SLC9A9: variants seen among roughly 807,000 people sequenced by gnomAD.
The protein encoded by SLC9A9 is solute carrier family 9 member A9.
Under a neutral mutation model 77.8 loss-of-function variants are expected in SLC9A9, and 62 were observed. The ratio of observed to expected loss-of-function variants is 0.80; its 90% confidence interval spans 0.65 to 0.98. The LOEUF (loss-of-function observed/expected upper bound fraction) is 0.98. Ranked by LOEUF, SLC9A9 falls within the 50% of genes least tolerant of loss-of-function variation. SLC9A9 has a pLI of 0.00. For synonymous variants in SLC9A9, 320 were observed against 283.5 expected (o/e 1.13, Z -1.29); for missense variants, 775 against 774.9 (o/e 1.00, Z 0.00).
intron 5 of SLC9A9, among the ~76,000 whole-genome samples, chr3:143,679,462 T>C (rs1415290491): frequency 6.6e-6 from 1 of 152,212 alleles, no homozygotes; most frequent in African/African-American, 2.4e-5. Flanking sequence ...GCACTATTGA[T>C]ATTTTAGACC....
intron 14 of SLC9A9, among the ~76,000 whole-genome samples, chr3:143,311,648 C>T (rs1472432786): frequency 6.6e-6 from 1 of 152,168 alleles, no homozygotes; most frequent in Non-Finnish European, 1.5e-5. Flanking sequence ...TGTCAGGTCT[C>T]ATTACATAAA....
At position 143,265,825 on chromosome 3, in the gene SLC9A9, C is replaced by A. The variant is rs1937691593; in HGVS notation, c.*877G>T. On this transcript the variant is annotated 3_prime_UTR_variant, in exon 16 of 16. Coordinates refer to ENST00000316549, the MANE Select transcript of SLC9A9 (RefSeq NM_173653.4). ...ATTGGAGGACAGGTTGGGGCTCCTG[C>A]ACAGTCTGCTGCCAGGTAGAGAGCA... 3.4e-6 allele frequency: 2 copies of A among 586,560 alleles called. No homozygotes were observed. The highest frequency in any genetic ancestry group is 6.1e-6 in the Non-Finnish European group (2 of 329,378). 36.3% of individuals were successfully genotyped at this position (586,560 alleles called of 1,614,324 possible). A position where few individuals can be genotyped will look rare whatever the true frequency, so the allele number is the denominator to read the frequency against.
At chr3:143,767,311 T>A (rs1401869086) in intron 4 of SLC9A9, among the ~76,000 whole-genome samples, 5 of 152,200 alleles carry the variant, frequency 3.3e-5, no homozygotes, top group African/African-American at 1.2e-4. Context: ...TTCCCTATCA[T>A]ATACACAGAT....
intron 14 of SLC9A9, among the ~76,000 whole-genome samples, chr3:143,280,553 T>A (rs1264167816): frequency 6.7e-6 from 1 of 150,284 alleles, no homozygotes; most frequent in Admixed American, 6.6e-5. Flanking sequence ...TTTTTTTTTT[T>A]TTTTTTTTTT....
At chr3:143,454,823 A>C (rs1160350660) in intron 12 of SLC9A9, among the ~76,000 whole-genome samples, 5 of 152,170 alleles carry the variant, frequency 3.3e-5, no homozygotes, top group African/African-American at 1.2e-4. Flanking sequence ...TCAGCCAGGT[A>C]TTATTCCCAG....
intron 4 of SLC9A9, among the ~76,000 whole-genome samples, chr3:143,760,052 C>T (rs1041342349): frequency 1.3e-5 from 2 of 151,828 alleles, no homozygotes; most frequent in African/African-American, 4.8e-5. Flanking sequence ...TTTGAAATTC[C>T]CCAAATAGTT....
chr3:143,700,519 A>G (rs1453291365), intron 4 of SLC9A9, among the ~76,000 whole-genome samples: 1 of 152,200 alleles, frequency 6.6e-6, no homozygotes, highest in Non-Finnish European at 1.5e-5. Context: ...GAACATTGGC[A>G]GTGGCCTGGG....
At chr3:143,552,307 C>T in intron 9 of SLC9A9, 55 bp downstream of exon 9, 1 of 1,311,358 alleles carries the variant, frequency 7.6e-7, no homozygotes, top group Non-Finnish European at 1.1e-6. Flanking sequence ...AGAATTGCTA[C>T]ATAACCATTT....
At chr3:143,469,216 T>C (rs2035336475) in intron 11 of SLC9A9, among the ~76,000 whole-genome samples, 1 of 151,976 alleles carries the variant, frequency 6.6e-6, no homozygotes, top group African/African-American at 2.4e-5. Flanking sequence ...CGAAACGTGA[T>C]GACACTAATA....
chr3:143,652,633 T>G (rs969161467), intron 5 of SLC9A9, among the ~76,000 whole-genome samples: 18 of 152,256 alleles, frequency 1.2e-4, no homozygotes, highest in African/African-American at 4.3e-4. Context: ...CTGCCCCCTT[T>G]GCTGCCTTTC....
intron 4 of SLC9A9, among the ~76,000 whole-genome samples, chr3:143,713,722 TAAAC>T (rs1169629763): frequency 6.6e-6 from 1 of 151,906 alleles, no homozygotes; most frequent in Non-Finnish European, 1.5e-5. Flanking sequence ...TAGGACAAAA[TAAAC>T]AAACAAAAAA....
intron 11 of SLC9A9, among the ~76,000 whole-genome samples, chr3:143,482,529 C>T (rs1035409886): frequency 6.6e-6 from 1 of 152,124 alleles, no homozygotes. Context: ...TACAACCTTC[C>T]CAGGTGCTTT....
intron 4 of SLC9A9, among the ~76,000 whole-genome samples, chr3:143,693,581 TA>T (rs1933542894): frequency 6.6e-6 from 1 of 152,236 alleles, no homozygotes; most frequent in African/African-American, 2.4e-5. Flanking sequence ...CTCAAAGATA[TA>T]AAAAATAATC....
In SLC9A9 at chr3:143,795,054, T is replaced by C; in HGVS notation, c.480A>G (p.Gly160=). Residue 160 remains glycine, a synonymous_variant, in exon 4 of 16, where the codon GGA becomes GGG. Transcript: ENST00000316549. ...CCAAGAAGGCATACGTTAAAATAGA[T>C]CCTAAGTTTTGAAAAAAGTGTCTCT... ...LKKRHFFQNL[G]SILTYAFLGT... The C allele has an allele frequency of 6.2e-7, 1 of 1,613,376 alleles. No homozygotes were observed. The highest frequency in any genetic ancestry group is 8.5e-7 in the Non-Finnish European group (1 of 1,179,788).
At chr3:143,340,864 GAA>G (rs2032077413) in intron 14 of SLC9A9, among the ~76,000 whole-genome samples, 1 of 152,134 alleles carries the variant, frequency 6.6e-6, no homozygotes, top group African/African-American at 2.4e-5. Flanking sequence ...CAAGAAATGT[GAA>G]AAAGAGAGAT....
At chr3:143,484,320 T>C (rs904957868) in intron 11 of SLC9A9, among the ~76,000 whole-genome samples, 1 of 152,244 alleles carries the variant, frequency 6.6e-6, no homozygotes, top group Non-Finnish European at 1.5e-5. Flanking sequence ...GTGTGTTGTT[T>C]GATCTATTTT....
chr3:143,349,138 G>C (rs191859981), intron 14 of SLC9A9, among the ~76,000 whole-genome samples: 1 of 152,166 alleles, frequency 6.6e-6, no homozygotes, highest in Non-Finnish European at 1.5e-5. Flanking sequence ...GGAGTAACAC[G>C]CATGTAGCAG....
intron 4 of SLC9A9, among the ~76,000 whole-genome samples, chr3:143,741,986 C>T (rs1435729916): frequency 6.6e-6 from 1 of 152,060 alleles, no homozygotes; most frequent in Non-Finnish European, 1.5e-5. Flanking sequence ...GACTAGATTG[C>T]CTTTGTAGGA....
chr3:143,722,472 CAAA>C (rs60995925), intron 4 of SLC9A9, among the ~76,000 whole-genome samples: 4 of 58,342 alleles, frequency 6.9e-5, no homozygotes, highest in African/African-American at 2.2e-4. Context: ...GACTCCATCT[CAAA>C]AAAAAAAAAA....
Sources: gnomAD v4.1 joint callset for allele counts (sites outside exome capture counted in the v4.1 genomes callset) on GRCh38, gnomAD v4.1.1 for gene constraint, MANE v1.5 for transcripts, NCBI Gene and HGNC (gene_info 2026-07-23, HGNC 2026-07-21) for gene names.